Variants in ARRB1 observed in about 807,000 individuals in gnomAD.
The protein encoded by ARRB1 is arrestin beta 1, also known as beta-arrestin-1.
A neutral mutation model predicts 56.8 loss-of-function variants in ARRB1; 21 were observed. The observed-to-expected ratio is 0.37, with a 90% CI of 0.26 to 0.53. ARRB1 has a LOEUF of 0.53. Among genes scored for constraint, ARRB1 ranks in the 20% least tolerant of loss-of-function variants. The pLI is 0.88. For synonymous variants in ARRB1, 210 were observed against 218.6 expected (o/e 0.96, Z 0.35); for missense variants, 424 against 553.7 (o/e 0.77, Z 2.35).
At chr11:75,273,475 G>A (rs1591896434) in intron 11 of ARRB1, among the ~76,000 whole-genome samples, 1 of 152,208 alleles carries the variant, frequency 6.6e-6, no homozygotes, top group Non-Finnish European at 1.5e-5. Context: ...TCAGGTAAGT[G>A]GGAGGCTGTG....
intron 1 of ARRB1, among the ~76,000 whole-genome samples, chr11:75,324,540 G>A (rs1947400903): frequency 6.6e-6 from 1 of 152,142 alleles, no homozygotes; most frequent in South Asian, 2.1e-4. Flanking sequence ...CTGAATAAAT[G>A]AACATCCTAC....
chr11:75,284,257 A>G lies in ARRB1; in HGVS notation c.135T>C (p.Pro45=), dbSNP rs1056855763. The G allele has an allele frequency of 5.0e-6, 8 of 1,609,144 alleles. No homozygotes were observed. The highest frequency in any genetic ancestry group is 6.8e-6 in the Non-Finnish European group (8 of 1,176,624). The change falls in exon 4 of 16, where the codon CCT becomes CCC. Residue 45 remains proline, a synonymous_variant. Transcript: ENST00000420843. ...DPVDGVVLVD[P]EYLKERRVYV... is the part of the protein sequence containing the mutation. ...TACCTCTCCGCTCTTTGAGATACTCAGGATCCACCAGGACCACACCATCTG... is the reference window on the plus strand; with the variant it reads ...TACCTCTCCGCTCTTTGAGATACTCGGGATCCACCAGGACCACACCATCTG...
intron 2 of ARRB1, among the ~76,000 whole-genome samples, chr11:75,287,906 G>A (rs1352882499): frequency 6.6e-6 from 1 of 152,016 alleles, no homozygotes; most frequent in Non-Finnish European, 1.5e-5. Context: ...CTTGTTGCCC[G>A]GCCTGGAGTG....
intron 1 of ARRB1, among the ~76,000 whole-genome samples, chr11:75,330,196 T>C (rs1947498350): frequency 6.6e-6 from 1 of 152,254 alleles, no homozygotes; most frequent in African/African-American, 2.4e-5. Flanking sequence ...TCCTGCAAGC[T>C]GTGTGTTCAG....
intron 1 of ARRB1, chr11:75,312,015 A>C (rs1440148444): frequency 3.1e-6 from 4 of 1,285,124 alleles, no homozygotes; most frequent in Middle Eastern, 2.1e-4. Context: ...GAAGGCCCAG[A>C]TCGGAGGCCC....
intron 7 of ARRB1, 197 bp downstream of exon 7, chr11:75,280,878 T>G: frequency 1.6e-6 from 1 of 619,528 alleles, no homozygotes; most frequent in Non-Finnish European, 2.9e-6. Context: ...TGCTGCAGCC[T>G]GAACCCAGGC....
Position 75,331,047 on chromosome 11 carries a change from G to A in ARRB1, c.20+20541C>T, listed in dbSNP as rs372997445. Among the ~76,000 whole-genome samples, 12 of 152,310 alleles carry A rather than the reference G, an allele frequency of 7.9e-5. No homozygotes were observed. In the East Asian group the frequency reaches 1.9e-3, roughly 24 times the overall value. Reference sequence around the variant, plus strand: ...AAATCTGATTTTTATTTTTTGAGGCGGAGTCTCGCTCTGTCGCCCAGTGGC... The same window carrying A: ...AAATCTGATTTTTATTTTTTGAGGCAGAGTCTCGCTCTGTCGCCCAGTGGC... On this transcript the variant is annotated intron_variant, in intron 1 of 15. Transcript: ENST00000420843.
Position 75,308,094 on chromosome 11 carries a change from C to T in ARRB1, c.21-18055G>A, listed in dbSNP as rs551350851. Among the ~76,000 whole-genome samples the T allele has an allele frequency of 2.6e-4, 40 of 152,392 alleles. 1 individual carries two copies. In the South Asian group the frequency reaches 7.9e-3, roughly 30 times the overall value. ...TCCCACTGTGAGGACAACACTGGCCCTCCCTGGGTGCCAGCCCTGAGCCCG... is the reference window on the plus strand; with the variant it reads ...TCCCACTGTGAGGACAACACTGGCCTTCCCTGGGTGCCAGCCCTGAGCCCG... On this transcript the variant is annotated intron_variant, in intron 1 of 15. Transcript: ENST00000420843.
intron 1 of ARRB1, among the ~76,000 whole-genome samples, chr11:75,331,177 T>C (rs1947513650): frequency 6.6e-6 from 1 of 152,140 alleles, no homozygotes; most frequent in Admixed American, 6.5e-5. Context: ...CCTGGCTAAT[T>C]TTTTGGTATT....
intron 14 of ARRB1, 125 bp downstream of exon 14, chr11:75,268,764 A>G: frequency 9.5e-7 from 1 of 1,049,564 alleles, no homozygotes; most frequent in South Asian, 1.5e-5. Flanking sequence ...TGGACCCCAC[A>G]AAAGATCTGG....
In ARRB1 at chr11:75,265,853, G is replaced by T; in HGVS notation, c.*310C>A. ...TGTCCCACATTCCCCATCCTCCCCT[G>T]TCTGCTCCCCATCTCAAGTCCAATT... On this transcript the variant is annotated 3_prime_UTR_variant, in exon 16 of 16. Coordinates refer to ENST00000420843, the MANE Select transcript of ARRB1 (RefSeq NM_004041.5). 1 of 399,610 alleles carries T rather than the reference G, an allele frequency of 2.5e-6. No homozygotes were observed. The highest frequency in any genetic ancestry group is 4.7e-6 in the Non-Finnish European group (1 of 213,308). The allele number at this position is 399,610 out of a possible 1,614,324, so 24.8% of individuals were successfully genotyped here.
At chr11:75,335,599 A>G (rs1429942376) in intron 1 of ARRB1, among the ~76,000 whole-genome samples, 1 of 151,216 alleles carries the variant, frequency 6.6e-6, no homozygotes, top group Non-Finnish European at 1.5e-5. Flanking sequence ...TCAAAAAAAA[A>G]AGAAGCAGAG....
chr11:75,325,392 G>A (rs571556292), intron 1 of ARRB1, among the ~76,000 whole-genome samples: 1 of 152,330 alleles, frequency 6.6e-6, no homozygotes, highest in African/African-American at 2.4e-5. Flanking sequence ...CACAATCTCA[G>A]CTCACTGCAA....
chr11:75,339,394 G>A (rs1296357772), intron 1 of ARRB1, among the ~76,000 whole-genome samples: 1 of 152,168 alleles, frequency 6.6e-6, no homozygotes, highest in Admixed American at 6.5e-5. Context: ...TTTCACCCTA[G>A]TTTTTTTGTC....
chr11:75,278,588 T>G (rs769263591), intron 8 of ARRB1, 21 bp downstream of exon 8: 14 of 1,613,578 alleles, frequency 8.7e-6, no homozygotes, highest in Non-Finnish European at 8.5e-7. Flanking sequence ...CCCCACCCCC[T>G]GCCAAGTCCG....
At chr11:75,288,181 G>A (rs921975882) in intron 2 of ARRB1, among the ~76,000 whole-genome samples, 6 of 152,152 alleles carry the variant, frequency 3.9e-5, no homozygotes, top group African/African-American at 1.4e-4. Context: ...TTTTTAAATT[G>A]AGTTAAAAGT....
At chr11:75,284,845 G>A (rs1176573756) in intron 3 of ARRB1, among the ~76,000 whole-genome samples, 6 of 152,160 alleles carry the variant, frequency 3.9e-5, no homozygotes, top group Admixed American at 2.6e-4. Context: ...AGAGGCTGCA[G>A]TGAGCTGAGA....
intron 1 of ARRB1, among the ~76,000 whole-genome samples, chr11:75,299,140 TG>T (rs1946833757): frequency 2.0e-5 from 3 of 151,572 alleles, no homozygotes; most frequent in African/African-American, 7.3e-5. Flanking sequence ...GTTCTGGAAT[TG>T]GATAGTGGTG....
intron 1 of ARRB1, among the ~76,000 whole-genome samples, chr11:75,324,009 CA>C (rs1428306592): frequency 6.6e-6 from 1 of 152,056 alleles, no homozygotes; most frequent in African/African-American, 2.4e-5. Context: ...AGTTTAATCA[CA>C]ATGGAGCTTG....
Sources: allele counts gnomAD v4.1 joint callset (sites outside exome capture counted in the v4.1 genomes callset), GRCh38; gene constraint gnomAD v4.1.1; transcripts MANE v1.5; gene names NCBI Gene and HGNC (gene_info 2026-07-23, HGNC 2026-07-21).